The following CCSER1 variants were observed in gnomAD, a reference collection of about 807,000 sequenced individuals.
The protein encoded by CCSER1 is serine-rich coiled-coil domain-containing protein 1.
In CCSER1, 41 loss-of-function variants were observed where a neutral mutation model predicts 82.0. The observed-to-expected ratio is 0.50, with a 90% CI of 0.39 to 0.65. CCSER1 has a LOEUF of 0.65. Ranked by LOEUF, CCSER1 falls within the 30% of genes least tolerant of loss-of-function variation. The probability of loss-of-function intolerance (pLI) is 0.00; values close to 1 mark genes in which losing one functional copy is unlikely to be tolerated. For missense variants in CCSER1, 1,119 were observed against 1,064.2 expected (o/e 1.05, Z -0.72); for synonymous variants, 414 against 383.9 (o/e 1.08, Z -0.92).
At chr4:90,403,388 A>G (rs930932351) in intron 4 of CCSER1, among the ~76,000 whole-genome samples, 7 of 149,630 alleles carry the variant, frequency 4.7e-5, no homozygotes, top group Non-Finnish European at 1.0e-4. Context: ...AGTCCCAGCT[A>G]CTTGGGAGGC....
intron 5 of CCSER1, among the ~76,000 whole-genome samples, chr4:90,486,855 G>C (rs1173674207): frequency 1.3e-5 from 2 of 152,208 alleles, no homozygotes; most frequent in African/African-American, 2.4e-5. Flanking sequence ...AAGAAAGCCA[G>C]TCCAACTTTT....
intron 5 of CCSER1, among the ~76,000 whole-genome samples, chr4:90,613,454 A>G (rs758741163): frequency 8.5e-5 from 13 of 152,176 alleles, no homozygotes; most frequent in Non-Finnish European, 1.5e-4. Context: ...GAATCTGACC[A>G]TGGGTGGCAG....
intron 6 of CCSER1, among the ~76,000 whole-genome samples, chr4:90,683,949 C>T (rs1734346228): frequency 6.6e-6 from 1 of 151,986 alleles, no homozygotes; most frequent in South Asian, 2.1e-4. Flanking sequence ...ATTTCTAAGC[C>T]TTCAGAGGTT....
chr4:91,365,092 A>G (rs777249671), intron 10 of CCSER1, among the ~76,000 whole-genome samples: 2 of 152,178 alleles, frequency 1.3e-5, no homozygotes, highest in Non-Finnish European at 1.5e-5. Context: ...AGGCAAGTTT[A>G]GGTAATGGTG....
chr4:90,221,191 C>G (rs560416822), intron 1 of CCSER1, among the ~76,000 whole-genome samples: 1 of 152,000 alleles, frequency 6.6e-6, no homozygotes, highest in Non-Finnish European at 1.5e-5. Context: ...TATAAGTTTC[C>G]GTGGAAATAT....
At chr4:91,183,292 C>T (rs6847141) in intron 10 of CCSER1, among the ~76,000 whole-genome samples, 108,189 of 152,094 alleles carry the variant, frequency 0.71, 38,938 homozygotes, top group Non-Finnish European at 0.78. Context: ...CAGCTACAAG[C>T]TCCGTTTTTG....
chr4:91,202,242 A>G (rs534248942), intron 10 of CCSER1, among the ~76,000 whole-genome samples: 4 of 151,402 alleles, frequency 2.6e-5, no homozygotes, highest in East Asian at 1.9e-4. Flanking sequence ...CAAGCTTCGT[A>G]TTTCTTATCT....
intron 5 of CCSER1, among the ~76,000 whole-genome samples, chr4:90,577,172 G>A (rs1780864962): frequency 6.6e-6 from 1 of 152,000 alleles, no homozygotes; most frequent in Admixed American, 6.6e-5. Context: ...ATATCTTTTT[G>A]TTGACGTATC....
chr4:90,302,109 G>A (rs1206655953), intron 1 of CCSER1, among the ~76,000 whole-genome samples: 1 of 152,166 alleles, frequency 6.6e-6, no homozygotes, highest in African/African-American at 2.4e-5. Flanking sequence ...ATATATTTAT[G>A]TAGGTTTGAA....
intron 10 of CCSER1, among the ~76,000 whole-genome samples, chr4:91,465,132 G>C (rs1356055584): frequency 6.6e-6 from 1 of 152,134 alleles, no homozygotes; most frequent in Non-Finnish European, 1.5e-5. Flanking sequence ...AAATGGAAAA[G>C]AACAGAAATT....
chr4:90,350,430 A>G (rs1743222469), intron 3 of CCSER1, among the ~76,000 whole-genome samples: 1 of 152,120 alleles, frequency 6.6e-6, no homozygotes, highest in Admixed American at 6.5e-5. Flanking sequence ...GTATATGCTA[A>G]AGTAATTGGA....
At chr4:90,332,158 ACTTACTTTCATGCTTTAT>A (rs1739408957) in intron 3 of CCSER1, among the ~76,000 whole-genome samples, 3 of 152,180 alleles carry the variant, frequency 2.0e-5, no homozygotes, top group African/African-American at 7.2e-5. Flanking sequence ...AGTTAACCAA[ACTTACTTTCATGCTTTAT>A]AGAACGAGCA....
chr4:91,218,316 G>C (rs988391150), intron 10 of CCSER1, among the ~76,000 whole-genome samples: 1 of 152,198 alleles, frequency 6.6e-6, no homozygotes, highest in Non-Finnish European at 1.5e-5. Context: ...GCCCGCAAGG[G>C]CCGCACGCAG....
At chr4:90,822,606 T>G (rs977171322) in intron 8 of CCSER1, among the ~76,000 whole-genome samples, 1 of 151,356 alleles carries the variant, frequency 6.6e-6, no homozygotes, top group Admixed American at 6.6e-5. Context: ...CGGGCACCTG[T>G]AATCCCAGCC....
At chr4:91,213,693 A>T (rs1737017709) in intron 10 of CCSER1, among the ~76,000 whole-genome samples, 1 of 152,276 alleles carries the variant, frequency 6.6e-6, no homozygotes, top group African/African-American at 2.4e-5. Context: ...TACAACTTGG[A>T]TTTACAAAAT....
At chr4:91,163,457 C>A (rs1359961380) in intron 10 of CCSER1, among the ~76,000 whole-genome samples, 2 of 151,978 alleles carry the variant, frequency 1.3e-5, no homozygotes. Context: ...CTGCTTGGTG[C>A]AGAGCTGAGT....
chr4:91,219,915 A>G (rs1241139127), intron 10 of CCSER1, among the ~76,000 whole-genome samples: 7 of 152,216 alleles, frequency 4.6e-5, no homozygotes, highest in African/African-American at 1.7e-4. Flanking sequence ...TTCTATGTAG[A>G]GTATTTCCCA....
chr4:91,290,939 ATAAT>A (rs1743693304), intron 10 of CCSER1, among the ~76,000 whole-genome samples: 1 of 151,922 alleles, frequency 6.6e-6, no homozygotes, highest in South Asian at 2.1e-4. Flanking sequence ...TTCCTTTTAA[ATAAT>A]TAATGAGCTA....
intron 1 of CCSER1, among the ~76,000 whole-genome samples, chr4:90,257,206 T>C (rs984179376): frequency 1.4e-5 from 2 of 145,162 alleles, no homozygotes; most frequent in African/African-American, 5.2e-5. Flanking sequence ...TGTTATAAAA[T>C]GAAATGTTAT....
Sources: gnomAD v4.1 joint callset for allele counts (sites outside exome capture counted in the v4.1 genomes callset) on GRCh38, gnomAD v4.1.1 for gene constraint, MANE v1.5 for transcripts, NCBI Gene and HGNC (gene_info 2026-07-23, HGNC 2026-07-21) for gene names.